Variants in THSD7A observed in about 807,000 individuals in gnomAD.
THSD7A encodes thrombospondin type 1 domain containing 7A.
In THSD7A, 96 loss-of-function variants were observed where a neutral mutation model predicts 231.3. The observed-to-expected ratio is 0.41, with a 90% CI of 0.35 to 0.49. The LOEUF (loss-of-function observed/expected upper bound fraction) is 0.49. Among genes scored for constraint, THSD7A ranks in the 20% least tolerant of loss-of-function variants. The pLI is 0.05. For missense variants in THSD7A, 2,290 were observed against 2,070.2 expected (o/e 1.11, Z -2.06); for synonymous variants, 940 against 743.3 (o/e 1.26, Z -4.30).
chr7:11,408,510 A>C (rs1024720100), intron 19 of THSD7A, among the ~76,000 whole-genome samples: 2 of 151,898 alleles, frequency 1.3e-5, no homozygotes, highest in Non-Finnish European at 2.9e-5. Flanking sequence ...AAATAAAAAA[A>C]AAAAAATGAA....
intron 6 of THSD7A, among the ~76,000 whole-genome samples, chr7:11,494,189 G>T (rs1787008075): frequency 6.6e-6 from 1 of 151,950 alleles, no homozygotes; most frequent in African/African-American, 2.4e-5. Context: ...CATGGATAAA[G>T]ACATATTGAG....
intron 26 of THSD7A, chr7:11,378,747 A>T (rs1272721424): frequency 6.7e-6 from 2 of 297,288 alleles, no homozygotes; most frequent in East Asian, 1.6e-4. Context: ...GAATGACAAC[A>T]CATTTTTTAA....
chr7:11,752,007 G>A (rs931112259), intron 1 of THSD7A, among the ~76,000 whole-genome samples: 1 of 152,096 alleles, frequency 6.6e-6, no homozygotes, highest in African/African-American at 2.4e-5. Context: ...GAGCAGGGTG[G>A]GGAGCAGCTC....
At chr7:11,422,608 A>C (rs1784183833) in intron 16 of THSD7A, among the ~76,000 whole-genome samples, 1 of 151,766 alleles carries the variant, frequency 6.6e-6, no homozygotes, top group Admixed American at 6.6e-5. Context: ...CAAAAAAAAA[A>C]AAAAAAAAAG....
chr7:11,407,259 C>A (rs537975077), intron 20 of THSD7A, 47 bp downstream of exon 20: 8 of 1,511,384 alleles, frequency 5.3e-6, no homozygotes, highest in Admixed American at 1.9e-5. Flanking sequence ...TATTTTATTT[C>A]ATATTCCTTG....
chr7:11,416,102 C>T (rs767204788), intron 17 of THSD7A, among the ~76,000 whole-genome samples: 23 of 152,092 alleles, frequency 1.5e-4, no homozygotes, highest in Non-Finnish European at 3.2e-4. Flanking sequence ...GTTTATTCAC[C>T]TCATTGAATT....
intron 6 of THSD7A, 60 bp downstream of exon 6, chr7:11,541,359 G>A: frequency 1.9e-5 from 29 of 1,526,086 alleles, no homozygotes; most frequent in Non-Finnish European, 2.4e-5. Context: ...TTAACAGAAA[G>A]TAAAAACATA....
At chr7:11,643,683 T>G (rs1294703471) in intron 1 of THSD7A, among the ~76,000 whole-genome samples, 3 of 151,960 alleles carry the variant, frequency 2.0e-5, no homozygotes, top group African/African-American at 7.2e-5. Context: ...CACATTTAGA[T>G]CTATACTATG....
At chr7:11,688,701 G>A (rs1479772611) in intron 1 of THSD7A, among the ~76,000 whole-genome samples, 2 of 151,774 alleles carry the variant, frequency 1.3e-5, no homozygotes, top group African/African-American at 2.4e-5. Context: ...GTACAGGTGC[G>A]TGGAGCAAGG....
chr7:11,407,207 A>G, intron 20 of THSD7A, 99 bp downstream of exon 20: 1 of 1,434,384 alleles, frequency 7.0e-7, no homozygotes, highest in Non-Finnish European at 9.6e-7. Context: ...AACCAATCCA[A>G]CCTTTCTGAA....
At position 11,424,753 on chromosome 7, in the gene THSD7A, A is replaced by C; in HGVS notation, c.3326T>G (p.Val1109Gly). ...WVTEPWSICK[V>G]TFVNMRENCG... ...GTTCTCCCGCATATTCACAAAGGTC[A>C]CCTTGCAGATGCTCCAGGGCTCTGT... The change falls in exon 16 of 28, where the codon GTG becomes GGG. Residue 1109 changes from valine (V) to glycine (G), a missense_variant. Transcript: ENST00000423059. 6.2e-7 allele frequency: 1 copy of C among 1,613,960 alleles called. No homozygotes were observed. The highest frequency in any genetic ancestry group is 1.1e-5 in the South Asian group (1 of 91,084).
intron 1 of THSD7A, among the ~76,000 whole-genome samples, chr7:11,732,539 T>C (rs9692141): frequency 0.033 from 4,975 of 151,906 alleles, 251 homozygotes; most frequent in African/African-American, 0.11. Context: ...TGAATTGTAT[T>C]TTACACTGTG....
intron 5 of THSD7A, among the ~76,000 whole-genome samples, chr7:11,542,317 C>G (rs1789186222): frequency 6.6e-6 from 1 of 152,112 alleles, no homozygotes; most frequent in Non-Finnish European, 1.5e-5. Context: ...TGTAAACATA[C>G]TAGAATCACT....
chr7:11,705,529 A>G (rs915360823), intron 1 of THSD7A, among the ~76,000 whole-genome samples: 1 of 150,836 alleles, frequency 6.6e-6, no homozygotes, highest in Non-Finnish European at 1.5e-5. Flanking sequence ...CTGTCAGCCT[A>G]TTGCAGCCTA....
At chr7:11,419,127 A>G (rs1236836065) in intron 16 of THSD7A, among the ~76,000 whole-genome samples, 1 of 152,180 alleles carries the variant, frequency 6.6e-6, no homozygotes, top group African/African-American at 2.4e-5. Context: ...AGAATTACCT[A>G]TTGACCAGAG....
At chr7:11,542,579 C>A (rs1364358281) in intron 5 of THSD7A, among the ~76,000 whole-genome samples, 1 of 152,192 alleles carries the variant, frequency 6.6e-6, no homozygotes, top group Non-Finnish European at 1.5e-5. Context: ...TAGAGACAAT[C>A]TGGATGGCAG....
chr7:11,755,285 A>C (rs571632220), intron 1 of THSD7A, among the ~76,000 whole-genome samples: 23 of 152,180 alleles, frequency 1.5e-4, no homozygotes, highest in Non-Finnish European at 2.9e-4. Context: ...CATTTCCTAC[A>C]AATCCTGACA....
intron 23 of THSD7A, among the ~76,000 whole-genome samples, chr7:11,397,965 G>A (rs976461266): frequency 1.3e-5 from 2 of 152,216 alleles, no homozygotes; most frequent in African/African-American, 2.4e-5. Flanking sequence ...CTGTAAATTA[G>A]TTCAACCATT....
At chr7:11,665,949 G>C (rs1783114400) in intron 1 of THSD7A, among the ~76,000 whole-genome samples, 1 of 152,164 alleles carries the variant, frequency 6.6e-6, no homozygotes, top group Non-Finnish European at 1.5e-5. Flanking sequence ...GAAGGTGTCT[G>C]TGGAAATGAG....
Sources: gnomAD v4.1 joint callset for allele counts (sites outside exome capture counted in the v4.1 genomes callset) on GRCh38, gnomAD v4.1.1 for gene constraint, MANE v1.5 for transcripts, NCBI Gene and HGNC (gene_info 2026-07-23, HGNC 2026-07-21) for gene names.